The following DGKI variants were observed in gnomAD, a reference collection of about 807,000 sequenced individuals.
The protein encoded by DGKI is DAG kinase iota.
DGKI carries 55 observed loss-of-function variants against 147.5 expected under a neutral mutation model. The ratio of observed to expected loss-of-function variants is 0.37; its 90% CI spans 0.30 to 0.47. DGKI has a LOEUF of 0.47. Ranked by LOEUF, DGKI falls within the 20% of genes least tolerant of loss-of-function variation. The probability of loss-of-function intolerance (pLI) is 1.00; values close to 1 mark genes in which losing one functional copy is unlikely to be tolerated. For synonymous variants in DGKI, 469 were observed against 477.1 expected, an observed-to-expected ratio of 0.98 and a Z score of 0.22; for missense variants, 1,007 against 1,323.8, an observed-to-expected ratio of 0.76 and a Z score of 3.71.
At chr7:137,590,889 G>A (rs1433741564) in intron 12 of DGKI, among the ~76,000 whole-genome samples, 1 of 152,148 alleles carries the variant, frequency 6.6e-6, no homozygotes, top group Non-Finnish European at 1.5e-5. Flanking sequence ...GATGGGGGCG[G>A]CTTTTGCCGT....
chr7:137,568,543 TAGA>T (rs1818671394), intron 19 of DGKI, among the ~76,000 whole-genome samples: 1 of 152,162 alleles, frequency 6.6e-6, no homozygotes, highest in Non-Finnish European at 1.5e-5. Flanking sequence ...CTTCTCCAGA[TAGA>T]CCCACCAGCA....
At chr7:137,706,871 C>T (rs990271780) in intron 1 of DGKI, among the ~76,000 whole-genome samples, 2 of 152,134 alleles carry the variant, frequency 1.3e-5, no homozygotes, top group Admixed American at 6.5e-5. Flanking sequence ...CACACCCCGC[C>T]GAAACACCCT....
chr7:137,465,831 G>T (rs1176747202), intron 26 of DGKI, 77 bp downstream of exon 26: 13 of 1,520,868 alleles, frequency 8.5e-6, no homozygotes, highest in Non-Finnish European at 1.2e-5. Flanking sequence ...TCATTAGAAC[G>T]ATGTCAAGTT....
intron 8 of DGKI, among the ~76,000 whole-genome samples, chr7:137,617,803 C>G (rs1820585605): frequency 1.3e-5 from 2 of 151,878 alleles, no homozygotes; most frequent in African/African-American, 4.8e-5. Flanking sequence ...CAAGTGATTT[C>G]TCTGTATTGC....
At chr7:137,660,878 G>T (rs1320037973) in intron 3 of DGKI, among the ~76,000 whole-genome samples, 1 of 151,912 alleles carries the variant, frequency 6.6e-6, no homozygotes, top group Non-Finnish European at 1.5e-5. Flanking sequence ...GAGAGGAGAG[G>T]GGAGGAAAGG....
At chr7:137,578,551 G>A (rs1375905977) in intron 15 of DGKI, among the ~76,000 whole-genome samples, 1 of 152,202 alleles carries the variant, frequency 6.6e-6, no homozygotes, top group Non-Finnish European at 1.5e-5. Context: ...CGGCATCACT[G>A]ACATTAGCTG....
chr7:137,412,347 A>G, intron 28 of DGKI, 140 bp from the exon 29 acceptor site: 1 of 763,214 alleles, frequency 1.3e-6, no homozygotes. Context: ...GGTGAAGCAG[A>G]CCGAGGCCCC....
At chr7:137,816,905 G>A (rs1389263454) in intron 1 of DGKI, among the ~76,000 whole-genome samples, 1 of 152,160 alleles carries the variant, frequency 6.6e-6, no homozygotes, top group Admixed American at 6.5e-5. Flanking sequence ...TTTGTTGTGA[G>A]GGGCCATCCT....
intron 3 of DGKI, among the ~76,000 whole-genome samples, chr7:137,658,395 T>C (rs1475313249): frequency 6.6e-6 from 1 of 152,224 alleles, no homozygotes; most frequent in East Asian, 1.9e-4. Flanking sequence ...TGAGTCACAT[T>C]GCTAATCAGA....
In DGKI at chr7:137,638,677, C is replaced by CAT. The variant is rs1179978994; in HGVS notation, c.804+6794_804+6795insAT. Among the ~76,000 whole-genome samples the CAT allele has an allele frequency of 1.1e-4, 13 of 119,798 alleles. 2 individuals are homozygous for CAT. Among genetic ancestry groups the CAT allele is most frequent in the African/African-American group, 4.4e-4 (12 of 27,120 alleles). The allele number at this position is 119,798 out of a possible 152,430, so 78.6% of individuals were successfully genotyped here. A position where few individuals can be genotyped will look rare whatever the true frequency, so the allele number is the denominator to read the frequency against. On this transcript the variant is annotated intron_variant, in intron 6 of 32. Coordinates refer to ENST00000614521, the MANE Select transcript of DGKI (RefSeq NM_001321708.2). Reference sequence around the variant, plus strand: ...ATACACACATATGTATATATACACACGTATGTACACACAGATACATATGTA... The same window carrying CAT: ...ATACACACATATGTATATATACACACATGTATGTACACACAGATACATATGTA...
At chr7:137,737,878 G>C (rs1795068299) in intron 1 of DGKI, among the ~76,000 whole-genome samples, 1 of 151,978 alleles carries the variant, frequency 6.6e-6, no homozygotes, top group South Asian at 2.1e-4. Flanking sequence ...CACCACAGTG[G>C]AGCTAGGAAA....
At chr7:137,609,186 G>A (rs1271768729) in intron 9 of DGKI, 122 bp from the exon 10 acceptor site, 3 of 673,952 alleles carry the variant, frequency 4.5e-6, no homozygotes, top group Non-Finnish European at 7.6e-6. Flanking sequence ...CTCTTAACAC[G>A]ACTTCCATGT....
At chr7:137,779,177 T>C (rs982339061) in intron 1 of DGKI, among the ~76,000 whole-genome samples, 41 of 152,132 alleles carry the variant, frequency 2.7e-4, no homozygotes, top group Non-Finnish European at 3.2e-4. Context: ...AGTCCAGAAA[T>C]AGTACAAGTC....
chr7:137,629,627 T>C (rs1478431030), intron 6 of DGKI, among the ~76,000 whole-genome samples: 1 of 152,208 alleles, frequency 6.6e-6, no homozygotes, highest in East Asian at 1.9e-4. Context: ...GTGGCATTTG[T>C]TTTAACCAAC....
chr7:137,505,460 G>T (rs1003218810), intron 21 of DGKI, among the ~76,000 whole-genome samples: 9 of 152,088 alleles, frequency 5.9e-5, no homozygotes, highest in Admixed American at 5.9e-4. Flanking sequence ...TCTTGAAACA[G>T]GAGAATTACC....
chr7:137,414,464 G>A (rs1812283919), intron 28 of DGKI, among the ~76,000 whole-genome samples: 1 of 149,720 alleles, frequency 6.7e-6, no homozygotes, highest in African/African-American at 2.5e-5. Context: ...TGAACTGACT[G>A]AAAAGAAAAC....
chr7:137,571,684 T>C (rs140665178), intron 18 of DGKI, among the ~76,000 whole-genome samples: 1 of 152,146 alleles, frequency 6.6e-6, no homozygotes, highest in Admixed American at 6.5e-5. Flanking sequence ...TTGCCATTAA[T>C]ACATAAGCAA....
chr7:137,764,598 G>T (rs924318765), intron 1 of DGKI, among the ~76,000 whole-genome samples: 1 of 152,158 alleles, frequency 6.6e-6, no homozygotes, highest in Non-Finnish European at 1.5e-5. Context: ...CCAAAAGGCA[G>T]ATGTCCTCTA....
intron 20 of DGKI, among the ~76,000 whole-genome samples, chr7:137,527,439 T>C (rs1054647536): frequency 6.6e-6 from 1 of 152,170 alleles, no homozygotes; most frequent in African/African-American, 2.4e-5. Flanking sequence ...GGAATGTCGC[T>C]ATCCACAGTC....
Sources: gnomAD v4.1 joint callset for allele counts (sites outside exome capture counted in the v4.1 genomes callset) on GRCh38, gnomAD v4.1.1 for gene constraint, MANE v1.5 for transcripts, NCBI Gene and HGNC (gene_info 2026-07-23, HGNC 2026-07-21) for gene names.